Variants in THSD7A observed in about 807,000 individuals in gnomAD.
THSD7A encodes the protein thrombospondin type 1 domain containing 7A, also known as thrombospondin type-1 domain-containing protein 7A.
Under a neutral mutation model 231.3 loss-of-function variants are expected in THSD7A, and 96 were observed. The observed-to-expected ratio is 0.41, with a 90% confidence interval of 0.35 to 0.49. THSD7A has a LOEUF of 0.49. THSD7A is among the 20% of genes least tolerant of loss of function. The pLI is 0.05. For synonymous variants in THSD7A, 940 were observed against 743.3 expected (o/e 1.26, Z -4.30); for missense variants, 2,290 against 2,070.2 (o/e 1.11, Z -2.06).
rs574402668 is a variant in THSD7A, at chr7:11,488,177, C to T, written c.1823-6195G>A. Among the ~76,000 whole-genome samples the T allele has an allele frequency of 7.9e-5, 12 of 152,162 alleles. No individual in the cohort carries two copies. In the South Asian group the frequency reaches 1.5e-3, roughly 18 times the overall value. Reference sequence around the variant, plus strand: ...TCTCTTGCCAGATCTATACAAAATCCGGAGTAACTCCGATAATTATTACTG... The same window carrying T: ...TCTCTTGCCAGATCTATACAAAATCTGGAGTAACTCCGATAATTATTACTG... On this transcript the variant is annotated intron_variant, in intron 6 of 27. Coordinates refer to ENST00000423059, the MANE Select transcript of THSD7A (RefSeq NM_015204.3).
chr7:11,675,233 G>A (rs1337715504), intron 1 of THSD7A, among the ~76,000 whole-genome samples: 1 of 152,080 alleles, frequency 6.6e-6, no homozygotes, highest in Non-Finnish European at 1.5e-5. Context: ...GTGCTATTCG[G>A]CACAGATACT....
At chr7:11,667,655 C>T (rs774636038) in intron 1 of THSD7A, among the ~76,000 whole-genome samples, 3 of 151,988 alleles carry the variant, frequency 2.0e-5, no homozygotes, top group Non-Finnish European at 4.4e-5. Flanking sequence ...TCTTTTTGGG[C>T]CCACTGTTAA....
At chr7:11,782,441 G>C (rs1205892861) in intron 1 of THSD7A, among the ~76,000 whole-genome samples, 2 of 152,006 alleles carry the variant, frequency 1.3e-5, no homozygotes, top group African/African-American at 4.8e-5. Flanking sequence ...CACAGAAAAA[G>C]CAGCCATTCT....
chr7:11,527,230 G>A (rs907352388), intron 6 of THSD7A, among the ~76,000 whole-genome samples: 1 of 151,952 alleles, frequency 6.6e-6, no homozygotes, highest in East Asian at 1.9e-4. Flanking sequence ...TAACATTTTG[G>A]AATCTTAATG....
At chr7:11,496,602 C>A (rs750313672) in intron 6 of THSD7A, among the ~76,000 whole-genome samples, 2 of 152,112 alleles carry the variant, frequency 1.3e-5, no homozygotes, top group Non-Finnish European at 2.9e-5. Context: ...GCTCAACTAT[C>A]TAATGCACTA....
intron 16 of THSD7A, among the ~76,000 whole-genome samples, chr7:11,421,919 C>G (rs1784157842): frequency 6.6e-6 from 1 of 152,104 alleles, no homozygotes; most frequent in Non-Finnish European, 1.5e-5. Context: ...TATAATCACC[C>G]TAGAATACAG....
chr7:11,667,148 C>G (rs988677137), intron 1 of THSD7A, among the ~76,000 whole-genome samples: 9 of 151,796 alleles, frequency 5.9e-5, no homozygotes, highest in African/African-American at 2.2e-4. Context: ...ATTTAATGCC[C>G]CCCTCACCTG....
intron 4 of THSD7A, among the ~76,000 whole-genome samples, chr7:11,552,718 A>C (rs960087534): frequency 6.6e-6 from 1 of 152,074 alleles, no homozygotes; most frequent in Non-Finnish European, 1.5e-5. Flanking sequence ...TGGCAACCCC[A>C]CCTTCCCTTG....
chr7:11,413,183 T>A (rs1055887034), intron 17 of THSD7A, among the ~76,000 whole-genome samples: 9 of 152,050 alleles, frequency 5.9e-5, no homozygotes, highest in African/African-American at 1.9e-4. Flanking sequence ...ATTTTAAGAA[T>A]AACTTTAAAT....
intron 23 of THSD7A, among the ~76,000 whole-genome samples, chr7:11,382,910 GTATA>G (rs576363787): frequency 1.4e-5 from 2 of 147,010 alleles, no homozygotes; most frequent in South Asian, 4.2e-4. Flanking sequence ...GAGAATAACT[GTATA>G]TATATATAGT....
chr7:11,687,476 A>T (rs1562477211), intron 1 of THSD7A, among the ~76,000 whole-genome samples: 1 of 151,994 alleles, frequency 6.6e-6, no homozygotes, highest in South Asian at 2.1e-4. Flanking sequence ...TTCTGTGAAT[A>T]TGAGCTCAGA....
chr7:11,573,398 A>C (rs1477111312), intron 4 of THSD7A, among the ~76,000 whole-genome samples: 1 of 152,032 alleles, frequency 6.6e-6, no homozygotes, highest in East Asian at 1.9e-4. Context: ...CTAGCCCAGC[A>C]CTTAGATTTC....
At chr7:11,650,730 G>A (rs778992659) in intron 1 of THSD7A, among the ~76,000 whole-genome samples, 14 of 152,192 alleles carry the variant, frequency 9.2e-5, no homozygotes, top group South Asian at 2.1e-4. Context: ...AAGAGTGAGC[G>A]AAGGCAGAGG....
chr7:11,786,961 G>A (rs1249119501), intron 1 of THSD7A, among the ~76,000 whole-genome samples: 1 of 151,628 alleles, frequency 6.6e-6, no homozygotes, highest in African/African-American at 2.4e-5. Flanking sequence ...AGTGACATGA[G>A]TGCTTGGCTC....
intron 26 of THSD7A, chr7:11,376,956 T>C (rs1782300053): frequency 4.1e-6 from 1 of 243,344 alleles, no homozygotes; most frequent in East Asian, 7.9e-5. Context: ...TCAAACTCAA[T>C]ACATGTGTAA....
chr7:11,745,798 G>A (rs1253212990), intron 1 of THSD7A, among the ~76,000 whole-genome samples: 2 of 152,032 alleles, frequency 1.3e-5, no homozygotes, highest in East Asian at 2.0e-4. Context: ...TGTTCCATTG[G>A]TCTATATCTC....
chr7:11,714,658 T>A (rs532789003), intron 1 of THSD7A, among the ~76,000 whole-genome samples: 10 of 151,332 alleles, frequency 6.6e-5, no homozygotes, highest in African/African-American at 2.4e-4. Flanking sequence ...AATTAAAAAG[T>A]ACCCTAAGAA....
intron 1 of THSD7A, among the ~76,000 whole-genome samples, chr7:11,672,304 G>A (rs1190633293): frequency 6.6e-6 from 1 of 151,920 alleles, no homozygotes; most frequent in Non-Finnish European, 1.5e-5. Flanking sequence ...TATATTATTT[G>A]TTTTTATTAT....
rs1333399771 is a variant in THSD7A, at chr7:11,769,145, A to ATTTTTT, written c.190+62611_190+62612insAAAAAA. Among the ~76,000 whole-genome samples the ATTTTTT allele has an allele frequency of 9.4e-4, 34 of 35,980 alleles. 2 individuals carry two copies. Among genetic ancestry groups the ATTTTTT allele is most frequent in the African/African-American group, 2.9e-3 (34 of 11,568 alleles). 23.6% of individuals were successfully genotyped at this position (35,980 alleles called of 152,430 possible). A position where few individuals can be genotyped will look rare whatever the true frequency, so the allele number is the denominator to read the frequency against. On this transcript the variant is annotated intron_variant, in intron 1 of 27. Coordinates refer to ENST00000423059, the MANE Select transcript of THSD7A (RefSeq NM_015204.3). ...GCAATATATATATATATATATATAT[A>ATTTTTT]TATATATATTTTTTTTTTTTTTTGG...
Sources: gnomAD v4.1 joint callset for allele counts (sites outside exome capture counted in the v4.1 genomes callset) on GRCh38, gnomAD v4.1.1 for gene constraint, MANE v1.5 for transcripts, NCBI Gene and HGNC (gene_info 2026-07-23, HGNC 2026-07-21) for gene names.